RPS6KC1: variants seen among roughly 807,000 people sequenced by gnomAD.
RPS6KC1 encodes inactive ribosomal protein S6 kinase delta-1.
RPS6KC1 carries 54 observed loss-of-function variants against 103.8 expected under a neutral mutation model. The ratio of observed to expected loss-of-function variants is 0.52; its 90% CI spans 0.42 to 0.65. RPS6KC1 has a LOEUF of 0.65. Among genes scored for constraint, RPS6KC1 ranks in the 30% least tolerant of loss-of-function variants. The pLI is 0.00. For synonymous variants in RPS6KC1, 439 were observed against 438.7 expected (o/e 1.00, Z -0.01); for missense variants, 1,151 against 1,253.8 (o/e 0.92, Z 1.24).
the RPS6KC1 span, among the ~76,000 whole-genome samples, chr1:213,665,449 T>A: frequency 6.6e-6 from 1 of 151,504 alleles, no homozygotes; most frequent in Non-Finnish European, 1.5e-5. Flanking sequence ...AAAAAGAAAT[T>A]AGAATATAAT....
intron 6 of RPS6KC1, among the ~76,000 whole-genome samples, chr1:213,149,121 CTT>C (rs1305100745): frequency 1.3e-5 from 2 of 152,008 alleles, no homozygotes; most frequent in African/African-American, 2.4e-5. Context: ...AAAAATCCAA[CTT>C]TTTGTTTCAC....
chr1:213,657,401 T>C, the RPS6KC1 span, among the ~76,000 whole-genome samples: 1 of 151,980 alleles, frequency 6.6e-6, no homozygotes, highest in Admixed American at 6.5e-5. Context: ...AATTGGAGGG[T>C]AATTTAAAAA....
chr1:213,332,481 T>C, the RPS6KC1 span, among the ~76,000 whole-genome samples: 5 of 152,370 alleles, frequency 3.3e-5, no homozygotes, highest in African/African-American at 1.2e-4. Context: ...TATGCTACTC[T>C]GATGGGGACT....
the RPS6KC1 span, among the ~76,000 whole-genome samples, chr1:213,590,211 T>A: frequency 6.6e-6 from 1 of 152,136 alleles, no homozygotes. Context: ...GGGTTAAATC[T>A]TCTGCTAGCA....
At chr1:213,278,425 A>G (rs563105231), downstream of RPS6KC1, among the ~76,000 whole-genome samples, 1 of 152,328 alleles carries the variant, frequency 6.6e-6, no homozygotes, top group East Asian at 1.9e-4. Context: ...AGGAGAGGTA[A>G]TGTTTGCAAG....
At chr1:213,200,379 T>C (rs1573220880) in intron 8 of RPS6KC1, among the ~76,000 whole-genome samples, 1 of 152,076 alleles carries the variant, frequency 6.6e-6, no homozygotes, top group Non-Finnish European at 1.5e-5. Context: ...AAACAAGCAA[T>C]GGGGAAAGGA....
At chr1:213,675,076 C>T in the RPS6KC1 span, among the ~76,000 whole-genome samples, 7 of 152,168 alleles carry the variant, frequency 4.6e-5, no homozygotes, top group East Asian at 1.9e-4. Context: ...TATTTTCTCT[C>T]ATTCTGCAGG....
At chr1:213,533,810 T>C in the RPS6KC1 span, among the ~76,000 whole-genome samples, 19,116 of 152,230 alleles carry the variant, frequency 0.13, 1,922 homozygotes, top group East Asian at 0.28. Context: ...CAATTAGCTA[T>C]ACACCATTTT....
At chr1:213,165,412 TTTG>T (rs1299594162) in intron 6 of RPS6KC1, among the ~76,000 whole-genome samples, 3 of 151,318 alleles carry the variant, frequency 2.0e-5, no homozygotes, top group Non-Finnish European at 2.9e-5. Flanking sequence ...GTGTGTTTTT[TTTG>T]TTGTTGTTGT....
At chr1:213,680,210 C>T in the RPS6KC1 span, among the ~76,000 whole-genome samples, 3 of 152,106 alleles carry the variant, frequency 2.0e-5, no homozygotes, top group Admixed American at 2.0e-4. Flanking sequence ...ACGAGTATTG[C>T]ACAAAGAGAA....
the RPS6KC1 span, among the ~76,000 whole-genome samples, chr1:213,319,738 G>A: frequency 6.6e-6 from 1 of 152,110 alleles, no homozygotes; most frequent in Non-Finnish European, 1.5e-5. Flanking sequence ...TCTCACATTG[G>A]AGCTATGCGT....
intron 3 of RPS6KC1, among the ~76,000 whole-genome samples, chr1:213,080,484 T>A (rs1467909545): frequency 6.6e-6 from 1 of 152,224 alleles, no homozygotes; most frequent in Non-Finnish European, 1.5e-5. Context: ...TTGTCAAAGG[T>A]GGTAATATTT....
At chr1:213,073,177 A>G (rs2079028319) in intron 2 of RPS6KC1, among the ~76,000 whole-genome samples, 2 of 152,104 alleles carry the variant, frequency 1.3e-5, no homozygotes, top group Admixed American at 1.3e-4. Flanking sequence ...CACCACTTAG[A>G]GTTTGTTTTT....
At chr1:213,095,820 A>G (rs1572493924) in intron 3 of RPS6KC1, among the ~76,000 whole-genome samples, 2 of 152,196 alleles carry the variant, frequency 1.3e-5, no homozygotes, top group South Asian at 4.1e-4. Context: ...TAAAAATGCT[A>G]ATTTTCATCT....
At chr1:213,118,030 A>AT in intron 5 of RPS6KC1, among the ~76,000 whole-genome samples, 1 of 147,852 alleles carries the variant, frequency 6.8e-6, no homozygotes, top group Non-Finnish European at 1.5e-5. Context: ...TCAAAAAAAA[A>AT]AAAAAAAAAG....
At chr1:213,108,508 T>G (rs2082701323) in intron 4 of RPS6KC1, among the ~76,000 whole-genome samples, 1 of 152,202 alleles carries the variant, frequency 6.6e-6, no homozygotes, top group African/African-American at 2.4e-5. Context: ...TGAAGTCAGC[T>G]AGTGTAAGTT....
intron 3 of RPS6KC1, among the ~76,000 whole-genome samples, chr1:213,088,310 A>G (rs759359451): frequency 7.9e-5 from 12 of 152,056 alleles, no homozygotes; most frequent in Non-Finnish European, 1.6e-4. Flanking sequence ...CCCTCACCCT[A>G]GGATATTCTT....
chr1:213,188,521 T>C (rs898393177), intron 8 of RPS6KC1, among the ~76,000 whole-genome samples: 16 of 152,148 alleles, frequency 1.1e-4, no homozygotes, highest in Non-Finnish European at 2.1e-4. Context: ...CTTACATATT[T>C]GTTTGTTTGT....
intron 1 of RPS6KC1, among the ~76,000 whole-genome samples, chr1:213,052,307 C>G (rs1241147161): frequency 6.6e-6 from 1 of 152,154 alleles, no homozygotes; most frequent in Non-Finnish European, 1.5e-5. Context: ...GCACATCACC[C>G]AATTTAATTC....
Sources: gnomAD v4.1 joint callset for allele counts (sites outside exome capture counted in the v4.1 genomes callset) on GRCh38, gnomAD v4.1.1 for gene constraint, MANE v1.5 for transcripts, NCBI Gene and HGNC (gene_info 2026-07-23, HGNC 2026-07-21) for gene names.